The following P3H2 variants were observed in gnomAD, a reference collection of about 807,000 sequenced individuals.
P3H2 encodes prolyl 3-hydroxylase 2.
In P3H2, 80 loss-of-function variants were observed where a neutral mutation model predicts 87.0. The ratio of observed to expected loss-of-function variants is 0.92; its 90% CI spans 0.77 to 1.11. P3H2 has a LOEUF of 1.11. Ranked by LOEUF, P3H2 falls within the 50% of genes least tolerant of loss-of-function variation. The probability of loss-of-function intolerance (pLI) is 0.00; values close to 1 mark genes in which losing one functional copy is unlikely to be tolerated. For missense variants in P3H2, 1,001 were observed against 923.9 expected (o/e 1.08, Z -1.08); for synonymous variants, 367 against 359.3 (o/e 1.02, Z -0.24).
In P3H2 at chr3:189,973,928, G is replaced by T; in HGVS notation, c.1529C>A (p.Thr510Asn). 6.2e-7 allele frequency: 1 copy of T among 1,613,804 alleles called. No individual in the cohort carries two copies. Residue 510 changes from threonine (T) to asparagine (N), a missense_variant, in exon 10 of 15, where the codon ACT (threonine) becomes AAT (asparagine). Coordinates refer to ENST00000319332, the MANE Select transcript of P3H2 (RefSeq NM_018192.4). Reference sequence around the variant, plus strand: ...CTTTACTTTGAGTGCTTTCAGGACAGTTGCACCTTCAAACTTTTCATTGGG... The same window carrying T: ...CTTTACTTTGAGTGCTTTCAGGACATTTGCACCTTCAAACTTTTCATTGGG... ...HTPNEKFEGATVLKALKSGYE... is the reference protein window; with the variant it reads ...HTPNEKFEGANVLKALKSGYE...
intron 1 of P3H2, among the ~76,000 whole-genome samples, chr3:190,100,623 T>C (rs950835105): frequency 2.0e-5 from 3 of 152,250 alleles, no homozygotes; most frequent in South Asian, 2.1e-4. Context: ...GTAACATAAT[T>C]AAAACTAGAG....
At chr3:190,025,561 T>C (rs757103324) in intron 1 of P3H2, among the ~76,000 whole-genome samples, 3 of 152,196 alleles carry the variant, frequency 2.0e-5, no homozygotes, top group Non-Finnish European at 4.4e-5. Context: ...GCGGATAATG[T>C]AAATTGGCAT....
chr3:190,056,969 C>T (rs9883279), intron 1 of P3H2, among the ~76,000 whole-genome samples: 45,150 of 152,014 alleles, frequency 0.3, 6,874 homozygotes, highest in Middle Eastern at 0.36. Flanking sequence ...TTGGAAAATG[C>T]GACCTCATTC....
chr3:190,091,805 A>G (rs1727416849), intron 1 of P3H2, among the ~76,000 whole-genome samples: 1 of 152,222 alleles, frequency 6.6e-6, no homozygotes, highest in Non-Finnish European at 1.5e-5. Context: ...TGAAGTAGGA[A>G]ATGTTACATG....
intron 1 of P3H2, among the ~76,000 whole-genome samples, chr3:190,104,070 G>A (rs75914902): frequency 0.015 from 2,305 of 152,182 alleles, 67 homozygotes; most frequent in African/African-American, 0.054. Flanking sequence ...GGAATTGCAG[G>A]AGTGAGCCAC....
chr3:190,033,026 G>A (rs933666560), intron 1 of P3H2, among the ~76,000 whole-genome samples: 1 of 152,180 alleles, frequency 6.6e-6, no homozygotes, highest in East Asian at 1.9e-4. Flanking sequence ...TAGTGGTGAT[G>A]GGAGACAGTG....
chr3:189,982,246 A>T (rs537806168), intron 8 of P3H2, among the ~76,000 whole-genome samples: 6 of 152,330 alleles, frequency 3.9e-5, no homozygotes, highest in Non-Finnish European at 8.8e-5. Context: ...GAAGTCATTA[A>T]ATCTTCCCAC....
chr3:190,114,834 T>C (rs1194389262), intron 1 of P3H2, among the ~76,000 whole-genome samples: 16 of 152,330 alleles, frequency 1.1e-4, no homozygotes, highest in Non-Finnish European at 4.4e-5. Flanking sequence ...CAATCTTCTA[T>C]TTGAAATAAT....
At chr3:190,082,250 T>A (rs1250975286) in intron 1 of P3H2, among the ~76,000 whole-genome samples, 1 of 152,128 alleles carries the variant, frequency 6.6e-6, no homozygotes, top group Non-Finnish European at 1.5e-5. Context: ...AACAACATTC[T>A]GCCTCAAAAA....
At chr3:190,014,909 G>T (rs555748254) in intron 1 of P3H2, among the ~76,000 whole-genome samples, 1 of 152,250 alleles carries the variant, frequency 6.6e-6, no homozygotes, top group South Asian at 2.1e-4. Flanking sequence ...TTCTAGTTTT[G>T]GCTCTGCTGG....
intron 1 of P3H2, among the ~76,000 whole-genome samples, chr3:190,065,184 G>A (rs1473939502): frequency 6.6e-6 from 1 of 152,058 alleles, no homozygotes. Flanking sequence ...CTGTCATCCT[G>A]GGCAAAAAGT....
chr3:190,058,651 G>A (rs1350956677), intron 1 of P3H2, among the ~76,000 whole-genome samples: 2 of 152,176 alleles, frequency 1.3e-5, no homozygotes, highest in East Asian at 3.8e-4. Flanking sequence ...GTGGGCAGAA[G>A]GGCGACCTGC....
rs535276022 is a variant in P3H2, at chr3:190,060,905, CTTTA to C, written c.480+59343_480+59346del. Among the ~76,000 whole-genome samples, 689 of 152,164 alleles carry C rather than the reference CTTTA, an allele frequency of 4.5e-3. 6 individuals carry two copies. Among genetic ancestry groups the C allele is most frequent in the African/African-American group, 0.016 (668 of 41,522 alleles). ...ACCTTTATGGAACACTAAGCACCTG[CTTTA>C]TTTATTTTTTATTTTCTTATTTGTA... On this transcript the variant is annotated intron_variant, in intron 1 of 14. Transcript: ENST00000319332.
intron 1 of P3H2, among the ~76,000 whole-genome samples, chr3:190,058,675 A>T (rs1726243474): frequency 6.6e-6 from 1 of 152,164 alleles, no homozygotes; most frequent in Non-Finnish European, 1.5e-5. Context: ...GCTGATGCAG[A>T]CAGCAAGTTA....
At chr3:190,043,283 G>A (rs866904176) in intron 1 of P3H2, among the ~76,000 whole-genome samples, 7 of 151,980 alleles carry the variant, frequency 4.6e-5, no homozygotes, top group East Asian at 3.9e-4. Flanking sequence ...TCCTTTAAGC[G>A]CCAAAGCAAC....
In P3H2 at chr3:189,962,161, C is replaced by CTTTTTTTTTTTTTTTT. The variant is rs770628547; in HGVS notation, c.2034+1781_2034+1796dup. On this transcript the variant is annotated intron_variant, in intron 14 of 14. Transcript: ENST00000319332. ...GCCTTTCTTTCTTTTTCTTCTTCTT[C>CTTTTTTTTTTTTTTTT]TTTTTTTTTTTTTTTTTTTTTTTTA... 1.3e-4 allele frequency among the ~76,000 whole-genome samples: 11 copies of CTTTTTTTTTTTTTTTT among 87,648 alleles called. 1 individual carries two copies. Among genetic ancestry groups the CTTTTTTTTTTTTTTTT allele is most frequent in the African/African-American group, 1.9e-4 (4 of 21,166 alleles). The allele number at this position is 87,648 out of a possible 152,430, so 57.5% of individuals were successfully genotyped here.
chr3:189,987,776 A>G lies in P3H2; in HGVS notation c.956-107T>C, dbSNP rs1723753081. On this transcript the variant is annotated intron_variant, in intron 4 of 14. Transcript: ENST00000319332. ...CAAAGGTCAGCATTAAACATGAATAAGAGGGAAGATAAATTGAGGCTCAGC... is the reference window on the plus strand; with the variant it reads ...CAAAGGTCAGCATTAAACATGAATAGGAGGGAAGATAAATTGAGGCTCAGC... 3.1e-6 allele frequency: 4 copies of G among 1,283,068 alleles called. No homozygotes were observed. In the East Asian group the frequency reaches 7.0e-5, roughly 22 times the overall value. 79.5% of individuals were successfully genotyped at this position (1,283,068 alleles called of 1,614,324 possible). A position where few individuals can be genotyped will look rare whatever the true frequency, so the allele number is the denominator to read the frequency against.
intron 3 of P3H2, among the ~76,000 whole-genome samples, chr3:189,993,214 C>T (rs34627529): frequency 0.19 from 28,836 of 150,972 alleles, 3,192 homozygotes; most frequent in Non-Finnish European, 0.26. Context: ...CCCAGCTACT[C>T]GGGAGGCTGA....
intron 1 of P3H2, among the ~76,000 whole-genome samples, chr3:190,036,182 G>A (rs1577287161): frequency 6.6e-6 from 1 of 151,972 alleles, no homozygotes; most frequent in East Asian, 1.9e-4. Context: ...TCCCTTTTTT[G>A]TATAACCACA....
Sources: allele counts gnomAD v4.1 joint callset (sites outside exome capture counted in the v4.1 genomes callset), GRCh38; gene constraint gnomAD v4.1.1; transcripts MANE v1.5; gene names NCBI Gene and HGNC (gene_info 2026-07-23, HGNC 2026-07-21).